Variants in ADD1 observed in about 807,000 individuals in gnomAD.
ADD1 encodes the protein adducin 1, also known as alpha-adducin.
ADD1 carries 24 observed loss-of-function variants against 80.5 expected under a neutral mutation model. That is an observed-to-expected ratio of 0.30 (90% CI 0.22 to 0.42). The LOEUF is 0.42. ADD1 is among the 10% of genes least tolerant of loss of function. The pLI, the probability that ADD1 is intolerant of heterozygous loss-of-function variation, is 1.00. For synonymous variants in ADD1, 373 were observed against 393.8 expected, an observed-to-expected ratio of 0.95 and a Z score of 0.63; for missense variants, 948 against 1,019.0, an observed-to-expected ratio of 0.93 and a Z score of 0.95.
chr4:2,904,335 C>A (rs112189021), intron 9 of ADD1, among the ~76,000 whole-genome samples: 1 of 152,154 alleles, frequency 6.6e-6, no homozygotes, highest in African/African-American at 2.4e-5. Context: ...CCAGGACAAC[C>A]AAAACAAAGG....
chr4:2,894,173 G>C (rs1014069271), intron 5 of ADD1, 80 bp downstream of exon 5: 2 of 1,174,784 alleles, frequency 1.7e-6, no homozygotes, highest in Non-Finnish European at 2.5e-6. Flanking sequence ...AGCTAAATAT[G>C]TAAAACCCAA....
intron 14 of ADD1, among the ~76,000 whole-genome samples, chr4:2,917,953 G>C (rs1333819884): frequency 1.3e-5 from 2 of 152,186 alleles, no homozygotes; most frequent in Non-Finnish European, 2.9e-5. Context: ...AAGTCAGGTA[G>C]TGTGATGCCT....
intron 14 of ADD1, among the ~76,000 whole-genome samples, chr4:2,917,904 C>T (rs969573083): frequency 6.6e-5 from 10 of 152,122 alleles, no homozygotes; most frequent in East Asian, 1.9e-4. Flanking sequence ...GTACCAGTAC[C>T]GTGCTGTTTT....
intron 10 of ADD1, 116 bp from the exon 11 acceptor site, chr4:2,907,627 A>G (rs1203011423): frequency 2.3e-6 from 2 of 886,040 alleles, no homozygotes; most frequent in East Asian, 4.9e-5. Context: ...TCATTGGTTC[A>G]GTCCTCTCTG....
At position 2,859,569 on chromosome 4, in the gene ADD1, A is replaced by G. The variant is rs372109350; in HGVS notation, c.-21+15545A>G. ...GATGCCAAATAAAGTAGACATTTCT[A>G]CACTCCAGCCTTGGCAACCGTGAGA... On this transcript the variant is annotated intron_variant, in intron 1 of 15. Coordinates refer to ENST00000683351, the MANE Select transcript of ADD1 (RefSeq NM_001354761.2). Among the ~76,000 whole-genome samples, 16 of 152,330 alleles carry G rather than the reference A, an allele frequency of 1.1e-4. No individual in the cohort carries two copies. In the South Asian group the frequency reaches 1.9e-3, roughly 18 times the overall value.
At chr4:2,885,808 C>G (rs1577563957) in intron 4 of ADD1, among the ~76,000 whole-genome samples, 1 of 151,980 alleles carries the variant, frequency 6.6e-6, no homozygotes, top group Non-Finnish European at 1.5e-5. Context: ...GACGGGGTTT[C>G]ACCGTGTTAG....
intron 3 of ADD1, among the ~76,000 whole-genome samples, chr4:2,883,079 C>T (rs1328640390): frequency 6.6e-6 from 1 of 152,180 alleles, no homozygotes; most frequent in Non-Finnish European, 1.5e-5. Context: ...CCATGCTGGT[C>T]TCAAACTCCT....
chr4:2,920,932 G>A (rs887137737), intron 14 of ADD1, among the ~76,000 whole-genome samples: 5 of 152,090 alleles, frequency 3.3e-5, no homozygotes, highest in Admixed American at 2.0e-4. Context: ...TCATAGTGTC[G>A]ATGGTCTTTA....
intron 4 of ADD1, among the ~76,000 whole-genome samples, chr4:2,888,922 C>T (rs940231350): frequency 1.3e-5 from 2 of 151,550 alleles, no homozygotes; most frequent in Non-Finnish European, 2.9e-5. Context: ...GAAATATGTA[C>T]ATATATATAT....
At chr4:2,920,050 A>T (rs1739740896) in intron 14 of ADD1, among the ~76,000 whole-genome samples, 1 of 152,086 alleles carries the variant, frequency 6.6e-6, no homozygotes, top group South Asian at 2.1e-4. Flanking sequence ...CTTTGTTCTC[A>T]TTGTTTTCAA....
intron 14 of ADD1, among the ~76,000 whole-genome samples, chr4:2,923,704 G>C (rs1740482938): frequency 6.6e-6 from 1 of 152,246 alleles, no homozygotes; most frequent in Admixed American, 6.5e-5. Flanking sequence ...CAGCATTGCT[G>C]AGCAGTCATT....
At chr4:2,885,619 T>G (rs953161477) in intron 4 of ADD1, among the ~76,000 whole-genome samples, 2 of 151,912 alleles carry the variant, frequency 1.3e-5, no homozygotes, top group Non-Finnish European at 2.9e-5. Flanking sequence ...TGCCTTCTTT[T>G]TTTTTTTTGA....
intron 1 of ADD1, among the ~76,000 whole-genome samples, chr4:2,849,110 A>G (rs1034106101): frequency 5.9e-5 from 9 of 152,154 alleles, no homozygotes; most frequent in African/African-American, 1.9e-4. Context: ...ACTCCTACCA[A>G]CTGTGTATTT....
At chr4:2,858,873 G>A (rs909241406) in intron 1 of ADD1, among the ~76,000 whole-genome samples, 1 of 152,206 alleles carries the variant, frequency 6.6e-6, no homozygotes, top group African/African-American at 2.4e-5. Flanking sequence ...CTATGTGCCA[G>A]ACATTGTGCT....
At chr4:2,901,641 A>G (rs1250129924) in intron 9 of ADD1, 1 of 152,136 alleles carries the variant, frequency 6.6e-6, no homozygotes, top group African/African-American at 2.4e-5. Context: ...ATAGTTGCCA[A>G]TTTCCACACT....
At chr4:2,887,259 T>C (rs532804675) in intron 4 of ADD1, among the ~76,000 whole-genome samples, 1 of 152,326 alleles carries the variant, frequency 6.6e-6, no homozygotes, top group African/African-American at 2.4e-5. Context: ...AGGTATGGTA[T>C]AGACGCTTAA....
chr4:2,913,461 C>A (rs1281551784), intron 13 of ADD1, among the ~76,000 whole-genome samples: 1 of 152,144 alleles, frequency 6.6e-6, no homozygotes, highest in East Asian at 1.9e-4. Flanking sequence ...TGAGGCAGGG[C>A]AACTTCTTAA....
intron 4 of ADD1, among the ~76,000 whole-genome samples, chr4:2,885,188 C>G (rs1157265976): frequency 6.6e-6 from 1 of 152,178 alleles, no homozygotes; most frequent in Non-Finnish European, 1.5e-5. Context: ...ATCCATTAGC[C>G]TATTCTTCAC....
chr4:2,873,627 C>G (rs1730801029), intron 1 of ADD1, among the ~76,000 whole-genome samples: 1 of 152,220 alleles, frequency 6.6e-6, no homozygotes, highest in Non-Finnish European at 1.5e-5. Flanking sequence ...CAGGAAATAG[C>G]TATAGTTACC....
Sources: allele counts gnomAD v4.1 joint callset (sites outside exome capture counted in the v4.1 genomes callset), GRCh38; gene constraint gnomAD v4.1.1; transcripts MANE v1.5; gene names NCBI Gene and HGNC (gene_info 2026-07-23, HGNC 2026-07-21).